Variants in CCDC150 observed in about 807,000 individuals in gnomAD.
The protein encoded by CCDC150 is coiled-coil domain containing 150.
CCDC150 carries 151 observed loss-of-function variants against 156.5 expected under a neutral mutation model. The ratio of observed to expected loss-of-function variants is 0.97; its 90% CI spans 0.85 to 1.10. The LOEUF is 1.10. CCDC150 is among the 50% of genes least tolerant of loss of function. The pLI, the probability that CCDC150 is intolerant of heterozygous loss-of-function variation, is 0.00. For missense variants in CCDC150, 1,312 were observed against 1,268.1 expected (o/e 1.03, Z -0.53); for synonymous variants, 452 against 429.4 (o/e 1.05, Z -0.65).
chr2:196,644,875 G>A (rs899485616), intron 1 of CCDC150, among the ~76,000 whole-genome samples: 1 of 151,954 alleles, frequency 6.6e-6, no homozygotes, highest in Non-Finnish European at 1.5e-5. Flanking sequence ...AGCACTTTGG[G>A]AGACTGAGGC....
Position 196,719,612 on chromosome 2 carries a change from T to C in CCDC150, c.2111T>C (p.Val704Ala). The C allele has an allele frequency of 6.2e-7, 1 of 1,613,322 alleles. No individual in the cohort carries two copies. Among genetic ancestry groups the C allele is most frequent in the Non-Finnish European group, 8.5e-7 (1 of 1,179,602 alleles). ...AAGATGCAAGGTGCTCTGGAGAAAG[T>C]ACAAATAGAGCTTGGGCGGAGGGAT... Reference protein sequence around the residue: ...HSKMQGALEKVQIELGRRDSE... With the variant: ...HSKMQGALEKAQIELGRRDSE... The change falls in exon 19 of 28, where the codon GTA becomes GCA. Residue 704 changes from valine to alanine, a missense_variant. Transcript: ENST00000389175.
At position 196,730,817 on chromosome 2, in the gene CCDC150, G is replaced by A. The variant is rs752415890; in HGVS notation, c.2983-42G>A. 4 of 1,443,262 alleles carry A rather than the reference G, an allele frequency of 2.8e-6. No homozygotes were observed. In the South Asian group the frequency reaches 5.0e-5, roughly 18 times the overall value. 89.4% of individuals were successfully genotyped at this position (1,443,262 alleles called of 1,614,324 possible). On this transcript the variant is annotated intron_variant, in intron 25 of 27. Transcript: ENST00000389175. ...ACAGTGAAGCATTTGGTTTCTTATG[G>A]TATGTTGGAAGTTTATAAAAATCTT...
In CCDC150 at chr2:196,719,557, A is replaced by G. The variant is rs745361802; in HGVS notation, c.2056A>G (p.Met686Val). ...AKEDNCKVTI[M>V]LENVLASHSK... ...AGAAGACAACTGCAAAGTCACAATCATGTTGGAGAATGTGCTGGCTTCTCA... is the reference window on the plus strand; with the variant it reads ...AGAAGACAACTGCAAAGTCACAATCGTGTTGGAGAATGTGCTGGCTTCTCA... The change falls in exon 19 of 28, where the codon ATG (methionine) becomes GTG (valine). Residue 686 changes from methionine (M) to valine (V), a missense_variant. Transcript: ENST00000389175. 113 of 1,612,870 alleles carry G rather than the reference A, an allele frequency of 7.0e-5. No homozygotes were observed. The highest frequency in any genetic ancestry group is 9.2e-5 in the Non-Finnish European group (108 of 1,179,442).
chr2:196,725,097 C>T lies in CCDC150; in HGVS notation c.2430-876C>T, dbSNP rs145866872. Among the ~76,000 whole-genome samples, 154 of 152,108 alleles carry T rather than the reference C, an allele frequency of 1.0e-3. No individual in the cohort carries two copies. In the East Asian group the frequency reaches 0.019, roughly 19 times the overall value. On this transcript the variant is annotated intron_variant, in intron 21 of 27. Coordinates refer to ENST00000389175, the MANE Select transcript of CCDC150 (RefSeq NM_001080539.2). Reference sequence around the variant, plus strand: ...ATTAGTAGATGTGCTTTTAGAGACACGTGGAGAACATGGATATATTATACA... The same window carrying T: ...ATTAGTAGATGTGCTTTTAGAGACATGTGGAGAACATGGATATATTATACA...
chr2:196,677,184 C>A, intron 12 of CCDC150, 109 bp from the exon 13 acceptor site: 2 of 763,114 alleles, frequency 2.6e-6, no homozygotes, highest in South Asian at 2.9e-5. Flanking sequence ...GATGTGCTAT[C>A]TCTGCAGTGT....
intron 15 of CCDC150, among the ~76,000 whole-genome samples, chr2:196,701,672 G>A (rs1442955573): frequency 6.6e-6 from 1 of 152,172 alleles, no homozygotes; most frequent in African/African-American, 2.4e-5. Flanking sequence ...ATCCAAATCA[G>A]TGGTGCTAAG....
intron 27 of CCDC150, 129 bp from the exon 28 acceptor site, chr2:196,732,317 C>G (rs1027090504): frequency 1.7e-5 from 19 of 1,127,594 alleles, no homozygotes; most frequent in Non-Finnish European, 2.5e-5. Flanking sequence ...AAAGTTCCAC[C>G]TGTCACAAAC....
chr2:196,671,463 T>C (rs1575800355), intron 8 of CCDC150, among the ~76,000 whole-genome samples: 1 of 127,368 alleles, frequency 7.9e-6, no homozygotes, highest in Admixed American at 1.1e-4. Flanking sequence ...GGAGTCTCAC[T>C]CTGTCACTCA....
chr2:196,642,115 AG>A (rs1317137566), intron 1 of CCDC150, among the ~76,000 whole-genome samples: 4 of 152,228 alleles, frequency 2.6e-5, no homozygotes, highest in Non-Finnish European at 5.9e-5. Flanking sequence ...TAAAAATAAA[AG>A]TTTATATCTC....
intron 22 of CCDC150, chr2:196,727,685 T>C (rs1036547810): frequency 3.3e-5 from 5 of 152,094 alleles, no homozygotes; most frequent in South Asian, 2.1e-4. Flanking sequence ...GTGTGCTAAA[T>C]GTAGAAATGT....
At chr2:196,669,633 C>T (rs1433484174) in intron 7 of CCDC150, among the ~76,000 whole-genome samples, 200 bp from the exon 8 acceptor site, 1 of 152,062 alleles carries the variant, frequency 6.6e-6, no homozygotes, top group Non-Finnish European at 1.5e-5. Flanking sequence ...CTTCAGAGAC[C>T]TCATTTACCA....
chr2:196,712,224 A>G lies in CCDC150; in HGVS notation c.1775A>G (p.Asn592Ser), dbSNP rs772427286. 18 of 1,561,820 alleles carry G rather than the reference A, an allele frequency of 1.2e-5. No homozygotes were observed. The highest frequency in any genetic ancestry group is 9.6e-6 in the Non-Finnish European group (11 of 1,146,118). Residue 592 changes from asparagine (N) to serine (S), a missense_variant, in exon 16 of 28, where the codon AAT becomes AGT. Coordinates refer to ENST00000389175, the MANE Select transcript of CCDC150 (RefSeq NM_001080539.2). ...SLQNDHLRKM[N>S]KYLQTKYAQA... ...CAGAATGATCATCTACGCAAGATGA[A>G]TAAGTATTTACAGACTAAATATGCT...
chr2:196,712,041 C>A, intron 15 of CCDC150, 104 bp from the exon 16 acceptor site: 66 of 304,360 alleles, frequency 2.2e-4, no homozygotes, highest in Middle Eastern at 2.0e-3. Flanking sequence ...TTTTACAACT[C>A]ATGACCCTTT....
At chr2:196,695,743 G>A (rs1335327633) in intron 14 of CCDC150, among the ~76,000 whole-genome samples, 2 of 151,160 alleles carry the variant, frequency 1.3e-5, no homozygotes, top group African/African-American at 2.4e-5. Flanking sequence ...CTCGGGAGGC[G>A]GAGCTTGCAG....
At chr2:196,645,180 A>T (rs1692461667) in intron 1 of CCDC150, among the ~76,000 whole-genome samples, 1 of 152,140 alleles carries the variant, frequency 6.6e-6, no homozygotes, top group Admixed American at 6.6e-5. Flanking sequence ...TACAAAGTGA[A>T]TTGGAGAGCT....
intron 10 of CCDC150, among the ~76,000 whole-genome samples, 184 bp from the exon 11 acceptor site, chr2:196,675,959 C>T (rs1364377709): frequency 6.6e-6 from 1 of 152,034 alleles, no homozygotes; most frequent in Non-Finnish European, 1.5e-5. Context: ...TAGAACTAGT[C>T]AACTCAGAGG....
At chr2:196,713,869 G>A (rs780960203) in intron 17 of CCDC150, among the ~76,000 whole-genome samples, 3 of 152,064 alleles carry the variant, frequency 2.0e-5, no homozygotes, top group Non-Finnish European at 2.9e-5. Flanking sequence ...TTTAGACATA[G>A]AACATTTGGC....
chr2:196,666,740 T>C lies in CCDC150; in HGVS notation c.784T>C (p.Cys262Arg), dbSNP rs1460737084. Residue 262 changes from cysteine to arginine, a missense_variant, in exon 7 of 28, where the codon TGC becomes CGC. Transcript: ENST00000389175. The part of the protein sequence containing the change: ...RKQVHILQQN[C>R]IALRDSIQSA... The stretch of plus-strand genomic sequence containing the variant: ...TCAGGTGCACATTTTGCAGCAAAAC[T>C]GCATTGCTCTACGTGATTCTATACA... The C allele has an allele frequency of 6.2e-7, 1 of 1,602,880 alleles. No individual in the cohort carries two copies. Among genetic ancestry groups the C allele is most frequent in the Admixed American group, 1.8e-5 (1 of 57,046 alleles).
At chr2:196,639,947 C>T (rs116247076) in intron 1 of CCDC150, among the ~76,000 whole-genome samples, 169 bp downstream of exon 1, 1 of 152,194 alleles carries the variant, frequency 6.6e-6, no homozygotes, top group Non-Finnish European at 1.5e-5. Context: ...CGTTGGCTGC[C>T]GGTGAAAGCC....
Sources: allele counts gnomAD v4.1 joint callset (sites outside exome capture counted in the v4.1 genomes callset), GRCh38; gene constraint gnomAD v4.1.1; transcripts MANE v1.5; gene names NCBI Gene and HGNC (gene_info 2026-07-23, HGNC 2026-07-21).